Variants in ZNF829 observed in about 807,000 individuals in gnomAD.
ZNF829 encodes zinc finger protein 829.
A neutral mutation model predicts 35.2 loss-of-function variants in ZNF829; 25 were observed. That is an observed-to-expected ratio of 0.71 (90% CI 0.52 to 0.99). ZNF829 has a LOEUF of 0.99. Among genes scored for constraint, ZNF829 ranks in the 50% least tolerant of loss-of-function variants. ZNF829 has a pLI of 0.00. For missense variants in ZNF829, 417 were observed against 515.3 expected, an observed-to-expected ratio of 0.81 and a Z score of 1.85; for synonymous variants, 136 against 163.2, an observed-to-expected ratio of 0.83 and a Z score of 1.27.
rs371257749 is a variant in ZNF829, at chr19:36,892,231, T to C, written c.560A>G (p.Lys187Arg). 6.0e-5 allele frequency: 97 copies of C among 1,614,006 alleles called. No homozygotes were observed. Among genetic ancestry groups the C allele is most frequent in the Non-Finnish European group, 8.1e-5 (95 of 1,180,046 alleles). ...IHFGEKHYES[K>R]EYGKSFSRGS... ...ACGACTAAAGGACTTCCCATACTCC[T>C]TAGATTCATAGTGTTTTTCACCAAA... is the stretch of plus-strand genomic sequence containing the variant. Residue 187 changes from lysine to arginine, a missense_variant, in exon 6 of 6, where the codon AAG becomes AGG. Transcript: ENST00000391711.
rs1477048800 is a variant in ZNF829, at chr19:36,908,390, G to A, written c.166C>T (p.Gln56Ter). Residue 56 changes from glutamine (Q) to a stop codon, truncating the protein, a stop_gained, in exon 4 of 6, where the codon CAG becomes TAG. Transcript: ENST00000391711. LOFTEE classifies it high-confidence loss of function. The stretch of plus-strand genomic sequence containing the variant: ...ATCACTTCTTTGTATAAATTCATCT[G>A]ATCAGCGTCCAGGCATTCCCATTCC... The part of the protein sequence containing the change: ...QEEWECLDAD[Q>*]MNLYKEVMLE... 1.9e-6 allele frequency: 3 copies of A among 1,613,652 alleles called. No individual in the cohort carries two copies. The highest frequency in any genetic ancestry group is 8.5e-7 in the Non-Finnish European group (1 of 1,179,772).
rs1020123009 is a variant in ZNF829, at chr19:36,908,564, A to G, written c.97-105T>C. 18 of 1,293,958 alleles carry G rather than the reference A, an allele frequency of 1.4e-5. No individual in the cohort carries two copies. The African/African-American group carries it at 2.2e-4, about 16-fold the overall frequency. 80.2% of individuals were successfully genotyped at this position (1,293,958 alleles called of 1,614,324 possible). On this transcript the variant is annotated intron_variant, in intron 3 of 5. Transcript: ENST00000391711. ...AGCAAAATTAAAGGGGGTGAATCCT[A>G]TCATATCAGAAGATATACGTCCTGT...
chr19:36,908,282 G>T, intron 4 of ZNF829, 51 bp downstream of exon 4: 1 of 1,571,624 alleles, frequency 6.4e-7, no homozygotes, highest in Non-Finnish European at 8.6e-7. Context: ...AATGGAGAAA[G>T]GAGACACTTC....
At chr19:36,902,142 A>T in intron 5 of ZNF829, 1 of 309,580 alleles carries the variant, frequency 3.2e-6, no homozygotes, top group Non-Finnish European at 5.9e-6. Context: ...AAATACATCA[A>T]ATAGTTATAA....
At position 36,916,144 on chromosome 19, in the gene ZNF829, G is replaced by A; in HGVS notation, c.-218C>T. Reference sequence around the variant, plus strand: ...GCCGATTCCTGTCAGCTCCTCGCCTGGGCCCACCCGAAACGGCTGCTCCCT... The same window carrying A: ...GCCGATTCCTGTCAGCTCCTCGCCTAGGCCCACCCGAAACGGCTGCTCCCT... On this transcript the variant is annotated 5_prime_UTR_variant, in exon 1 of 6. Transcript: ENST00000391711. This position sits in a 1 kb window ranked among gnomAD's most constrained non-coding sequence, Gnocchi z 5.3. The A allele has an allele frequency of 1.9e-6, 1 of 537,380 alleles. No homozygotes were observed. The highest frequency in any genetic ancestry group is 3.3e-6 in the Non-Finnish European group (1 of 305,290). 33.3% of individuals were successfully genotyped at this position (537,380 alleles called of 1,614,324 possible).
At chr19:36,893,195 A>G (rs1381317986) in intron 5 of ZNF829, among the ~76,000 whole-genome samples, 1 of 152,218 alleles carries the variant, frequency 6.6e-6, no homozygotes, top group Non-Finnish European at 1.5e-5. Flanking sequence ...GCCTCCGACA[A>G]ATCTAATATG....
chr19:36,908,239 A>G (rs1300228076), intron 4 of ZNF829, 94 bp downstream of exon 4: 2 of 1,501,532 alleles, frequency 1.3e-6, no homozygotes, highest in Non-Finnish European at 1.8e-6. Flanking sequence ...AGGGAGCAGA[A>G]ATTCAGCTGG....
At chr19:36,915,974 A>G in intron 1 of ZNF829, 37 bp downstream of exon 1, 1 of 1,521,298 alleles carries the variant, frequency 6.6e-7, no homozygotes, top group Non-Finnish European at 8.8e-7. Context: ...GAACTTGCAG[A>G]CCTGAGCCAG....
At chr19:36,900,847 G>GGAAAA (rs1040243689) in intron 5 of ZNF829, among the ~76,000 whole-genome samples, 5 of 88,976 alleles carry the variant, frequency 5.6e-5, no homozygotes, top group Non-Finnish European at 4.3e-5. Flanking sequence ...GACTGTCTCA[G>GGAAAA]AAAAAAAAAA....
intron 5 of ZNF829, 99 bp downstream of exon 5, chr19:36,907,830 T>A: frequency 1.0e-6 from 1 of 987,862 alleles, no homozygotes; most frequent in Admixed American, 2.7e-5. Context: ...GGATAGCTTA[T>A]ATGGAAGAGG....
At chr19:36,913,918 A>G (rs1311730749) in intron 3 of ZNF829, among the ~76,000 whole-genome samples, 1 of 152,224 alleles carries the variant, frequency 6.6e-6, no homozygotes, top group Non-Finnish European at 1.5e-5. Flanking sequence ...ATAAAAAATC[A>G]GTGGAAGAGA....
intron 5 of ZNF829, among the ~76,000 whole-genome samples, chr19:36,898,688 A>G (rs1252352513): frequency 1.3e-5 from 2 of 152,226 alleles, no homozygotes; most frequent in African/African-American, 4.8e-5. Flanking sequence ...GAGAGAACCC[A>G]CAAATAAATC....
At chr19:36,895,155 A>T (rs979514614) in intron 5 of ZNF829, among the ~76,000 whole-genome samples, 4 of 152,190 alleles carry the variant, frequency 2.6e-5, no homozygotes, top group African/African-American at 4.8e-5. Flanking sequence ...ATGCCAGGAA[A>T]GAATGGGATG....
chr19:36,891,337 C>T lies in ZNF829; in HGVS notation c.*155G>A. On this transcript the variant is annotated 3_prime_UTR_variant, in exon 6 of 6. Coordinates refer to ENST00000391711, the MANE Select transcript of ZNF829 (RefSeq NM_001037232.4). ...GAGAATAAATTTCTCTTGTTTTAAG[C>T]CACCAAGGTTTTGGTACTTGGTACT... The T allele has an allele frequency of 1.5e-6, 1 of 687,648 alleles. No individual in the cohort carries two copies. The allele number at this position is 687,648 out of a possible 1,614,324, so 42.6% of individuals were successfully genotyped here.
chr19:36,895,759 AG>A (rs1321109956), intron 5 of ZNF829, among the ~76,000 whole-genome samples: 1 of 152,236 alleles, frequency 6.6e-6, no homozygotes, highest in Non-Finnish European at 1.5e-5. Context: ...GAAGCAAAGA[AG>A]GTCATTATAT....
At chr19:36,912,828 C>G (rs2073275240) in intron 3 of ZNF829, 1 of 152,168 alleles carries the variant, frequency 6.6e-6, no homozygotes, top group South Asian at 2.1e-4. Flanking sequence ...GAAACACCGT[C>G]TCTACTAAAA....
At chr19:36,909,790 G>C (rs537638527) in intron 3 of ZNF829, among the ~76,000 whole-genome samples, 5 of 141,144 alleles carry the variant, frequency 3.5e-5, no homozygotes, top group African/African-American at 1.4e-4. Flanking sequence ...CTGGGCAACA[G>C]AGTGAGACTC....
At chr19:36,899,796 G>A (rs1159275154) in intron 5 of ZNF829, among the ~76,000 whole-genome samples, 1 of 150,612 alleles carries the variant, frequency 6.6e-6, no homozygotes, top group Non-Finnish European at 1.5e-5. Context: ...ATAGTTATTT[G>A]ATAGGATCTG....
chr19:36,903,667 G>A (rs756114232), intron 5 of ZNF829, among the ~76,000 whole-genome samples: 1 of 152,134 alleles, frequency 6.6e-6, no homozygotes, highest in Non-Finnish European at 1.5e-5. Context: ...AAGGTGGGTG[G>A]AACACCTGAA....
Sources: gnomAD v4.1 joint callset for allele counts (sites outside exome capture counted in the v4.1 genomes callset) on GRCh38, gnomAD v4.1.1 for gene constraint, Gnocchi (gnomAD v3.1) non-coding constraint, MANE v1.5 for transcripts, NCBI Gene and HGNC (gene_info 2026-07-23, HGNC 2026-07-21) for gene names.